The following IPO11 variants were observed in gnomAD, a reference collection of about 807,000 sequenced individuals.
IPO11 encodes the protein importin 11.
In IPO11, 66 loss-of-function variants were observed where a neutral mutation model predicts 143.2. The observed-to-expected ratio is 0.46, with a 90% confidence interval of 0.38 to 0.57. IPO11 has a LOEUF of 0.57. IPO11 is among the 20% of genes least tolerant of loss of function. The pLI is 0.00. For missense variants in IPO11, 1,026 were observed against 1,141.0 expected (o/e 0.90, Z 1.45); for synonymous variants, 385 against 377.8 (o/e 1.02, Z -0.22).
intron 24 of IPO11, among the ~76,000 whole-genome samples, chr5:62,543,996 T>TTGAG (rs1181714420): frequency 6.6e-6 from 1 of 152,178 alleles, no homozygotes; most frequent in Non-Finnish European, 1.5e-5. Context: ...TTGAGCGGTT[T>TTGAG]TGAGTGAGTG....
intron 29 of IPO11, among the ~76,000 whole-genome samples, chr5:62,613,116 T>A (rs1417201406): frequency 1.3e-5 from 2 of 152,270 alleles, no homozygotes; most frequent in Non-Finnish European, 2.9e-5. Flanking sequence ...ACTAAGAATT[T>A]TTTAGATGTT....
chr5:62,496,063 G>A (rs929079611), intron 16 of IPO11, among the ~76,000 whole-genome samples: 1 of 152,280 alleles, frequency 6.6e-6, no homozygotes, highest in African/African-American at 2.4e-5. Flanking sequence ...GCCAAGGTGG[G>A]CTGATCACGA....
At chr5:62,612,758 A>G (rs1375758180) in intron 29 of IPO11, among the ~76,000 whole-genome samples, 1 of 152,252 alleles carries the variant, frequency 6.6e-6, no homozygotes, top group Non-Finnish European at 1.5e-5. Context: ...GATCACCAAT[A>G]ACTTTTAAAT....
chr5:62,438,115 C>T (rs1744306181), intron 2 of IPO11, among the ~76,000 whole-genome samples: 1 of 152,172 alleles, frequency 6.6e-6, no homozygotes, highest in Admixed American at 6.5e-5. Flanking sequence ...TAAAAACTGA[C>T]TCAGTATTTG....
chr5:62,469,271 C>G (rs1332222864), intron 6 of IPO11, among the ~76,000 whole-genome samples: 28 of 152,146 alleles, frequency 1.8e-4, no homozygotes, highest in African/African-American at 6.5e-4. Context: ...ACGAGGAAAA[C>G]TTACTGCATC....
chr5:62,618,040 A>G (rs1260256769), intron 29 of IPO11, among the ~76,000 whole-genome samples: 3 of 152,040 alleles, frequency 2.0e-5, no homozygotes, highest in Admixed American at 2.0e-4. Context: ...TAAAAATTCT[A>G]CTCTATAAGT....
At chr5:62,567,579 T>TA (rs1554055782) in intron 27 of IPO11, among the ~76,000 whole-genome samples, 11 of 147,050 alleles carry the variant, frequency 7.5e-5, no homozygotes, top group Non-Finnish European at 1.2e-4. Context: ...TTTTTTTTTT[T>TA]AAGATGGAGT....
At chr5:62,536,592 G>A in intron 22 of IPO11, 110 bp from the exon 23 acceptor site, 2 of 1,278,176 alleles carry the variant, frequency 1.6e-6, no homozygotes, top group Non-Finnish European at 2.1e-6. Flanking sequence ...CTCGGAAGAG[G>A]TTTCTAGAGT....
intron 27 of IPO11, among the ~76,000 whole-genome samples, chr5:62,570,229 A>G (rs893824666): frequency 6.6e-6 from 1 of 152,162 alleles, no homozygotes; most frequent in African/African-American, 2.4e-5. Context: ...CTGATTTTTC[A>G]TTGAAGGGTT....
chr5:62,435,802 G>A (rs908000464), intron 1 of IPO11, among the ~76,000 whole-genome samples: 4 of 152,132 alleles, frequency 2.6e-5, no homozygotes, highest in Non-Finnish European at 5.9e-5. Context: ...GCTGAGGCAG[G>A]CGGATCACCT....
chr5:62,456,834 C>T (rs1745178003), intron 5 of IPO11, among the ~76,000 whole-genome samples: 1 of 152,178 alleles, frequency 6.6e-6, no homozygotes, highest in Non-Finnish European at 1.5e-5. Flanking sequence ...TGGCTCACGC[C>T]TGTAATCCTG....
At chr5:62,581,188 A>G (rs1284679820) in intron 27 of IPO11, 22 of 1,551,024 alleles carry the variant, frequency 1.4e-5, no homozygotes, top group Non-Finnish European at 1.9e-5. Context: ...AACTGCCTCA[A>G]TTTGTAACAC....
intron 29 of IPO11, among the ~76,000 whole-genome samples, chr5:62,612,889 T>C (rs921987613): frequency 2.6e-5 from 4 of 152,234 alleles, no homozygotes; most frequent in African/African-American, 7.2e-5. Context: ...GTGCTGTCTT[T>C]ATGTACTTCT....
chr5:62,496,635 G>A (rs1741167980), intron 16 of IPO11, among the ~76,000 whole-genome samples: 1 of 152,088 alleles, frequency 6.6e-6, no homozygotes, highest in Non-Finnish European at 1.5e-5. Flanking sequence ...ATAATGTGGG[G>A]AGATATCTTA....
intron 27 of IPO11, among the ~76,000 whole-genome samples, chr5:62,572,846 A>G (rs1437400612): frequency 1.3e-5 from 2 of 152,052 alleles, no homozygotes; most frequent in Non-Finnish European, 2.9e-5. Context: ...GCCTCCCAAT[A>G]TGCTGGGATT....
intron 27 of IPO11, among the ~76,000 whole-genome samples, chr5:62,581,803 T>G (rs1016054483): frequency 6.6e-6 from 1 of 152,154 alleles, no homozygotes; most frequent in African/African-American, 2.4e-5. Context: ...AGATATATGG[T>G]TACTGCACAG....
intron 22 of IPO11, among the ~76,000 whole-genome samples, chr5:62,535,261 T>C (rs1303918752): frequency 6.6e-6 from 1 of 152,030 alleles, no homozygotes; most frequent in Non-Finnish European, 1.5e-5. Context: ...GATAAAATTA[T>C]ACTTGGCAAT....
At chr5:62,432,652 A>ACC (rs1412826707) in intron 1 of IPO11, among the ~76,000 whole-genome samples, 130 of 152,300 alleles carry the variant, frequency 8.5e-4, no homozygotes, top group African/African-American at 2.9e-3. Flanking sequence ...TGAGCTTTTT[A>ACC]TAATTTTCAC....
rs1221387436 is a variant in IPO11 at position 62,627,940 on chromosome 5, T to G, written c.*622T>G. 1 of 152,170 alleles carries G rather than the reference T, an allele frequency of 6.6e-6. No homozygotes were observed. The highest frequency in any genetic ancestry group is 2.4e-5 in the African/African-American group (1 of 41,400). 9.4% of individuals were successfully genotyped at this position (152,170 alleles called of 1,614,324 possible). On this transcript the variant is annotated 3_prime_UTR_variant, in exon 30 of 30. Coordinates refer to ENST00000325324, the MANE Select transcript of IPO11 (RefSeq NM_016338.5). ...TTGATACAGAAATTAGTAAAGGCAT[T>G]TTTTTCTTTTTTTTTCCAGTAAATA...
Sources: gnomAD v4.1 joint callset for allele counts (sites outside exome capture counted in the v4.1 genomes callset) on GRCh38, gnomAD v4.1.1 for gene constraint, MANE v1.5 for transcripts, NCBI Gene and HGNC (gene_info 2026-07-23, HGNC 2026-07-21) for gene names.